The following ZSCAN20 variants were observed in gnomAD, a reference collection of about 807,000 sequenced individuals.
ZSCAN20 encodes the protein zinc finger and SCAN domain-containing protein 20.
In ZSCAN20, 39 loss-of-function variants were observed where a neutral mutation model predicts 97.1. That is an observed-to-expected ratio of 0.40 (90% CI 0.31 to 0.52). The LOEUF is 0.52. Ranked by LOEUF, ZSCAN20 falls within the 20% of genes least tolerant of loss-of-function variation. ZSCAN20 has a pLI of 0.49. For synonymous variants in ZSCAN20, 456 were observed against 467.3 expected, an observed-to-expected ratio of 0.98 and a Z score of 0.31; for missense variants, 1,115 against 1,290.4, an observed-to-expected ratio of 0.86 and a Z score of 2.08.
intron 2 of ZSCAN20, among the ~76,000 whole-genome samples, chr1:33,483,246 A>G (rs1024770276): frequency 1.9e-5 from 2 of 104,324 alleles, no homozygotes; most frequent in African/African-American, 4.1e-5. Flanking sequence ...GAAGGATAGG[A>G]TAGAAGCTTT....
intron 2 of ZSCAN20, 99 bp downstream of exon 2, chr1:33,479,804 T>C: frequency 7.8e-7 from 1 of 1,278,612 alleles, no homozygotes; most frequent in Non-Finnish European, 1.1e-6. Context: ...AAAATAACAA[T>C]AGTTATTGAG....
Position 33,495,445 on chromosome 1 carries a change from G to A in ZSCAN20, c.3101G>A (p.Arg1034Gln), listed in dbSNP as rs761755405. 9.7e-6 allele frequency: 15 copies of A among 1,554,400 alleles called. No homozygotes were observed. Among genetic ancestry groups the A allele is most frequent in the Admixed American group, 7.7e-5 (4 of 51,716 alleles). Reference sequence around the variant, plus strand: ...AACAGTTCCCACTTCAGTGCTCACCGGAGAACCCATGCAGGAGGGAAGGCG... The same window carrying A: ...AACAGTTCCCACTTCAGTGCTCACCAGAGAACCCATGCAGGAGGGAAGGCG... ...FNNSSHFSAHRRTHAGGKAS is the reference protein window; with the variant it reads ...FNNSSHFSAHQRTHAGGKAS The change falls in exon 8 of 8, where the codon CGG becomes CAG. Residue 1034 changes from arginine to glutamine, a missense_variant. Arg to Gln is a conservative substitution (Grantham distance 43). Coordinates refer to ENST00000684572, the MANE Select transcript of ZSCAN20 (RefSeq NM_001377376.1).
At chr1:33,489,730 G>C in intron 5 of ZSCAN20, 128 bp downstream of exon 5, 1 of 854,358 alleles carries the variant, frequency 1.2e-6, no homozygotes, top group Non-Finnish European at 1.8e-6. Context: ...ATAGGAAGAA[G>C]ACTTGCCCTT....
intron 2 of ZSCAN20, among the ~76,000 whole-genome samples, chr1:33,481,102 A>G (rs1309232732): frequency 6.6e-6 from 1 of 152,180 alleles, no homozygotes; most frequent in Non-Finnish European, 1.5e-5. Context: ...TTCCTTTACA[A>G]ACTGATTGAA....
chr1:33,472,849 C>G (rs1281754742), intron 1 of ZSCAN20, among the ~76,000 whole-genome samples, 158 bp downstream of exon 1: 2 of 150,284 alleles, frequency 1.3e-5, no homozygotes, highest in African/African-American at 4.9e-5. Context: ...ATGTAGAGGC[C>G]GGAGATGGGA....
chr1:33,489,128 C>G lies in ZSCAN20; in HGVS notation c.618C>G (p.Pro206=). The G allele has an allele frequency of 5.0e-6, 8 of 1,613,260 alleles. No individual in the cohort carries two copies. Among genetic ancestry groups the G allele is most frequent in the Non-Finnish European group, 6.8e-6 (8 of 1,179,506 alleles). The part of the protein sequence containing the change: ...QPLKESAVLT[P]RVPTLPKMGS... ...TCTTTTCCTCAGCTGTCCTCACTCC[C>G]CGAGTCCCTACTCTCCCAAAGATGG... The change falls in exon 4 of 8, where the codon CCC becomes CCG. Residue 206 remains proline (P), a synonymous_variant. Transcript: ENST00000684572.
intron 6 of ZSCAN20, chr1:33,492,618 A>T (rs1192263365): frequency 6.6e-6 from 1 of 152,050 alleles, no homozygotes; most frequent in Non-Finnish European, 1.5e-5. Context: ...ACTAAAAAAA[A>T]TACAAAAATT....
In ZSCAN20 at chr1:33,496,753, T is replaced by G. The variant is rs972914962; in HGVS notation, c.*1277T>G. On this transcript the variant is annotated 3_prime_UTR_variant, in exon 8 of 8. Transcript: ENST00000684572. ...TGGGAGGTGCTGGTGTATATGGTCA[T>G]CTACTGAGAGGGCCTTGACCACTGT... is the stretch of plus-strand genomic sequence containing the variant. Among the ~76,000 whole-genome samples the G allele has an allele frequency of 6.6e-6, 1 of 152,140 alleles. No homozygotes were observed. The highest frequency in any genetic ancestry group is 2.4e-5 in the African/African-American group (1 of 41,438).
rs1553124190 is a variant in ZSCAN20, at chr1:33,501,538, T to TA, written c.*6062_*6063insA. Among the ~76,000 whole-genome samples the TA allele has an allele frequency of 5.4e-5, 8 of 147,378 alleles. No homozygotes were observed. Among genetic ancestry groups the TA allele is most frequent in the Admixed American group, 4.7e-4 (7 of 14,862 alleles). On this transcript the variant is annotated 3_prime_UTR_variant, in exon 8 of 8. Coordinates refer to ENST00000684572, the MANE Select transcript of ZSCAN20 (RefSeq NM_001377376.1). The stretch of plus-strand genomic sequence containing the variant: ...CTTTCACTTCCCCATTTTCTGTTAT[T>TA]TTTTTTTTTTTTGTGCTGTTATGTA...
chr1:33,484,619 CT>C (rs34906889), intron 2 of ZSCAN20, among the ~76,000 whole-genome samples: 1,565 of 133,404 alleles, frequency 0.012, 23 homozygotes, highest in East Asian at 0.076. Flanking sequence ...GATTTTGCAT[CT>C]TTTTTTTTTT....
At chr1:33,489,679 C>T (rs1476566091) in intron 5 of ZSCAN20, 77 bp downstream of exon 5, 2 of 1,355,194 alleles carry the variant, frequency 1.5e-6, no homozygotes, top group Admixed American at 1.8e-5. Flanking sequence ...TTTTGCCGCT[C>T]CTTTAAGAAT....
intron 1 of ZSCAN20, among the ~76,000 whole-genome samples, chr1:33,472,939 A>T (rs896148746): frequency 6.6e-6 from 1 of 151,030 alleles, no homozygotes. Context: ...TCTGAAGGTG[A>T]GGGGGTTGAG....
chr1:33,494,820 G>A lies in ZSCAN20; in HGVS notation c.2476G>A (p.Glu826Lys), dbSNP rs1175176512. 3 of 1,614,072 alleles carry A rather than the reference G, an allele frequency of 1.9e-6. No individual in the cohort carries two copies. Among genetic ancestry groups the A allele is most frequent in the Admixed American group, 1.7e-5 (1 of 60,012 alleles). Reference protein sequence around the residue: ...HLGGNPDQCSEPGGNFAQSPS... With the variant: ...HLGGNPDQCSKPGGNFAQSPS... ...GGGAGGAAATCCTGACCAGTGTAGT[G>A]AGCCTGGGGGAAACTTTGCCCAAAG... is the stretch of plus-strand genomic sequence containing the variant. Residue 826 changes from glutamate (E) to lysine (K), a missense_variant, in exon 8 of 8, where the codon GAG becomes AAG. Transcript: ENST00000684572.
In ZSCAN20 at chr1:33,497,883, A is replaced by G. The variant is rs1652930510; in HGVS notation, c.*2407A>G. ...CAGAAGATGAGAAGTTTAGTTTGGT[A>G]TGTCTAGAACTTGAGGTGCTTAAGG... On this transcript the variant is annotated 3_prime_UTR_variant, in exon 8 of 8. Coordinates refer to ENST00000684572, the MANE Select transcript of ZSCAN20 (RefSeq NM_001377376.1). Among the ~76,000 whole-genome samples, 2 of 152,096 alleles carry G rather than the reference A, an allele frequency of 1.3e-5. No individual in the cohort carries two copies. The highest frequency in any genetic ancestry group is 2.4e-5 in the African/African-American group (1 of 41,402).
chr1:33,476,515 A>G (rs923708245), intron 1 of ZSCAN20, among the ~76,000 whole-genome samples: 3 of 152,192 alleles, frequency 2.0e-5, no homozygotes, highest in African/African-American at 7.2e-5. Context: ...CAGGAACGCA[A>G]ATGTCTTTGC....
Position 33,479,186 on chromosome 1 carries a change from G to T in ZSCAN20, c.-103G>T. 7 of 1,277,070 alleles carry T rather than the reference G, an allele frequency of 5.5e-6. No homozygotes were observed. Among genetic ancestry groups the T allele is most frequent in the Non-Finnish European group, 7.6e-6 (7 of 919,900 alleles). The allele number at this position is 1,277,070 out of a possible 1,614,324, so 79.1% of individuals were successfully genotyped here. A position where few individuals can be genotyped will look rare whatever the true frequency, so the allele number is the denominator to read the frequency against. On this transcript the variant is annotated 5_prime_UTR_variant, in exon 2 of 8. Transcript: ENST00000684572. ...TTTGTCTTTCTGCCTTAGAGCCTTGGGGAGCAGTCCCTTTTCTAGGAGCCT... is the reference window on the plus strand; with the variant it reads ...TTTGTCTTTCTGCCTTAGAGCCTTGTGGAGCAGTCCCTTTTCTAGGAGCCT...
chr1:33,493,203 C>T lies in ZSCAN20; in HGVS notation c.1461C>T (p.Gly487=). The change falls in exon 7 of 8, where the codon GGC becomes GGT. Residue 487 remains glycine, a synonymous_variant. Coordinates refer to ENST00000684572, the MANE Select transcript of ZSCAN20 (RefSeq NM_001377376.1). This position sits in a 1 kb window ranked among gnomAD's most constrained non-coding sequence, Gnocchi z 4.3. ...FQSRIAGVHW[G]YEETKAFLAI... Reference sequence around the variant, plus strand: ...TCCTGACAGCAGGTGTGCACTGGGGCTATGAGGAGACCAAGGCCTTCCTGG... The same window carrying T: ...TCCTGACAGCAGGTGTGCACTGGGGTTATGAGGAGACCAAGGCCTTCCTGG... 6.2e-7 allele frequency: 1 copy of T among 1,614,044 alleles called. No individual in the cohort carries two copies. The highest frequency in any genetic ancestry group is 8.5e-7 in the Non-Finnish European group (1 of 1,179,960).
At chr1:33,479,990 G>T (rs10798956) in intron 2 of ZSCAN20, among the ~76,000 whole-genome samples, 113,572 of 151,988 alleles carry the variant, frequency 0.75, 42,713 homozygotes, top group Non-Finnish European at 0.78. Context: ...CTCAACAGCT[G>T]CTAGATGGTA....
chr1:33,482,237 TC>T (rs1652182893), intron 2 of ZSCAN20, among the ~76,000 whole-genome samples: 1 of 152,146 alleles, frequency 6.6e-6, no homozygotes, highest in South Asian at 2.1e-4. Context: ...TATTCTTCCT[TC>T]CCCCCAACCC....
Sources: gnomAD v4.1 joint callset for allele counts (sites outside exome capture counted in the v4.1 genomes callset) on GRCh38, gnomAD v4.1.1 for gene constraint, Gnocchi (gnomAD v3.1) non-coding constraint, MANE v1.5 for transcripts, NCBI Gene and HGNC (gene_info 2026-07-23, HGNC 2026-07-21) for gene names.